TRIM16: variants seen among roughly 807,000 people sequenced by gnomAD.
The protein encoded by TRIM16 is tripartite motif containing 16.
TRIM16 carries 33 observed loss-of-function variants against 50.4 expected under a neutral mutation model. The ratio of observed to expected loss-of-function variants is 0.65; its 90% CI spans 0.50 to 0.88. The LOEUF (loss-of-function observed/expected upper bound fraction) is 0.88, where lower values mean the gene tolerates loss of function less well. Among genes scored for constraint, TRIM16 ranks in the 40% least tolerant of loss-of-function variants. The probability of loss-of-function intolerance (pLI) is 0.00; values close to 1 mark genes in which losing one functional copy is unlikely to be tolerated. For missense variants in TRIM16, 581 were observed against 686.8 expected, an observed-to-expected ratio of 0.85 and a Z score of 1.72; for synonymous variants, 229 against 270.7, an observed-to-expected ratio of 0.85 and a Z score of 1.51.
intron 7 of TRIM16, among the ~76,000 whole-genome samples, chr17:15,643,632 A>G (rs1474881267): frequency 1.3e-5 from 2 of 150,366 alleles, no homozygotes; most frequent in African/African-American, 5.0e-5. Context: ...TGTGTCACAG[A>G]CCATTGGTCA....
chr17:15,631,829 G>A, intron 10 of TRIM16, 115 bp from the exon 11 acceptor site: 2 of 890,220 alleles, frequency 2.2e-6, no homozygotes, highest in East Asian at 2.5e-5. Context: ...AGGGGCTGAA[G>A]CCTGGTAATG....
At chr17:15,654,095 G>C (rs1373785165) in intron 6 of TRIM16, among the ~76,000 whole-genome samples, 1 of 152,188 alleles carries the variant, frequency 6.6e-6, no homozygotes, top group Non-Finnish European at 1.5e-5. Context: ...CTGCATCCCT[G>C]CGGTGAGTTC....
intron 1 of TRIM16, chr17:15,683,981 G>A (rs1003192185): frequency 5.3e-5 from 8 of 152,242 alleles, no homozygotes; most frequent in African/African-American, 1.9e-4. Flanking sequence ...CCAAGCAAAC[G>A]ACCCAGAGGT....
At position 15,641,550 on chromosome 17, in the gene TRIM16, C is replaced by G. The variant is rs539538390; in HGVS notation, c.615+1171G>C. ...ATTAAAGAGCTGGGAAACACAAGACCCTCCATGTGGTTCTACAGGTTATCT... is the reference window on the plus strand; with the variant it reads ...ATTAAAGAGCTGGGAAACACAAGACGCTCCATGTGGTTCTACAGGTTATCT... On this transcript the variant is annotated intron_variant, in intron 8 of 11. Coordinates refer to ENST00000649191, the MANE Select transcript of TRIM16 (RefSeq NM_001348119.1). 5.4e-4 allele frequency among the ~76,000 whole-genome samples: 81 copies of G among 148,930 alleles called. 3 individuals are homozygous for G. Among genetic ancestry groups the G allele is most frequent in the Admixed American group, 5.4e-3 (81 of 15,064 alleles).
At position 15,680,919 on chromosome 17, in the gene TRIM16, C is replaced by T. The variant is rs1397610317; in HGVS notation, c.-644G>A. The T allele has an allele frequency of 1.9e-6, 3 of 1,546,176 alleles. No individual in the cohort carries two copies. The highest frequency in any genetic ancestry group is 1.7e-6 in the Non-Finnish European group (2 of 1,145,862). Reference sequence around the variant, plus strand: ...CCATATTTTCCTTCTTAAGATACCCCTTTTGGGAAAGGGCAGGGTCCTCAG... The same window carrying T: ...CCATATTTTCCTTCTTAAGATACCCTTTTTGGGAAAGGGCAGGGTCCTCAG... On this transcript the variant is annotated 5_prime_UTR_variant, in exon 4 of 12. Transcript: ENST00000649191.
At chr17:15,659,513 A>G (rs1288314956) in intron 6 of TRIM16, among the ~76,000 whole-genome samples, 2 of 152,224 alleles carry the variant, frequency 1.3e-5, no homozygotes, top group Admixed American at 6.5e-5. Flanking sequence ...TGCGGCACAT[A>G]GCACATTTGA....
intron 8 of TRIM16, 34 bp from the exon 9 acceptor site, chr17:15,636,303 A>G (rs1346236652): frequency 6.2e-7 from 1 of 1,602,588 alleles, no homozygotes; most frequent in Non-Finnish European, 8.5e-7. Context: ...GCAGCCAAAC[A>G]TTTCTTAGTG....
intron 6 of TRIM16, among the ~76,000 whole-genome samples, chr17:15,657,965 T>C (rs1988052535): frequency 6.6e-6 from 1 of 152,226 alleles, no homozygotes; most frequent in Non-Finnish European, 1.5e-5. Context: ...TAACTTCACC[T>C]AGATATTCTT....
chr17:15,680,851 A>G lies in TRIM16; in HGVS notation c.-590+14T>C. 6.5e-7 allele frequency: 1 copy of G among 1,533,050 alleles called. No individual in the cohort carries two copies. The highest frequency in any genetic ancestry group is 8.8e-7 in the Non-Finnish European group (1 of 1,142,490). The allele number at this position is 1,533,050 out of a possible 1,614,324, so 95.0% of individuals were successfully genotyped here. A position where few individuals can be genotyped will look rare whatever the true frequency, so the allele number is the denominator to read the frequency against. ...AATAAAATTTCCAAGAAGAGAGGAA[A>G]ATCCCCAACTCACCTGGGACTCTGC... On this transcript the variant is annotated intron_variant, in intron 4 of 11. Coordinates refer to ENST00000649191, the MANE Select transcript of TRIM16 (RefSeq NM_001348119.1).
chr17:15,660,125 C>CA (rs1385608838), intron 6 of TRIM16, among the ~76,000 whole-genome samples: 1 of 152,212 alleles, frequency 6.6e-6, no homozygotes, highest in Non-Finnish European at 1.5e-5. Context: ...CCATCCCCTC[C>CA]ACCCTTCACC....
intron 7 of TRIM16, among the ~76,000 whole-genome samples, chr17:15,649,247 G>A (rs1987563914): frequency 6.6e-6 from 1 of 152,122 alleles, no homozygotes; most frequent in Non-Finnish European, 1.5e-5. Context: ...ATGGACTGGA[G>A]ACCCTCCTTT....
Position 15,679,885 on chromosome 17 carries a change from T to C in TRIM16, c.-590+980A>G, listed in dbSNP as rs9913900. ...CTGGGAGGCGGAGCTTGCAGTGAGCTGAGATCGCGCCACTGCACTCCAGCC... is the reference window on the plus strand; with the variant it reads ...CTGGGAGGCGGAGCTTGCAGTGAGCCGAGATCGCGCCACTGCACTCCAGCC... On this transcript the variant is annotated intron_variant, in intron 4 of 11. Transcript: ENST00000649191. 2.7e-5 allele frequency among the ~76,000 whole-genome samples: 4 copies of C among 147,122 alleles called. No homozygotes were observed. In the South Asian group the frequency reaches 6.3e-4, roughly 23 times the overall value.
intron 6 of TRIM16, among the ~76,000 whole-genome samples, chr17:15,666,477 A>G (rs1337236412): frequency 6.6e-6 from 1 of 152,190 alleles, no homozygotes; most frequent in Non-Finnish European, 1.5e-5. Flanking sequence ...ATGAGTTTTG[A>G]CAAATAACTC....
chr17:15,666,195 T>G (rs1437540207), intron 6 of TRIM16, among the ~76,000 whole-genome samples: 1 of 152,248 alleles, frequency 6.6e-6, no homozygotes, highest in East Asian at 1.9e-4. Flanking sequence ...TCATTGCTTT[T>G]GCCAATCCAT....
intron 3 of TRIM16, chr17:15,681,192 T>C (rs1007598819): frequency 2.9e-6 from 1 of 344,642 alleles, no homozygotes; most frequent in Non-Finnish European, 5.4e-6. Context: ...GCCACTGCTC[T>C]GAAAACGAGG....
At chr17:15,665,783 T>C (rs2151412613) in intron 6 of TRIM16, among the ~76,000 whole-genome samples, 1 of 152,036 alleles carries the variant, frequency 6.6e-6, no homozygotes, top group East Asian at 1.9e-4. Flanking sequence ...CACCTGTTTA[T>C]GGCTCACAAA....
At chr17:15,639,151 A>C (rs1471192845) in intron 8 of TRIM16, among the ~76,000 whole-genome samples, 1 of 134,196 alleles carries the variant, frequency 7.5e-6, no homozygotes, top group Non-Finnish European at 1.5e-5. Context: ...GGCTCAAACG[A>C]TCTTCCACCT....
intron 11 of TRIM16, 114 bp from the exon 12 acceptor site, chr17:15,629,312 G>C (rs1317622620): frequency 1.2e-5 from 8 of 649,914 alleles, no homozygotes; most frequent in Non-Finnish European, 1.9e-5. Flanking sequence ...CCATTTCTCT[G>C]TTCTCTATTT....
chr17:15,680,548 A>ATT (rs1248148790), intron 4 of TRIM16, among the ~76,000 whole-genome samples: 1 of 152,038 alleles, frequency 6.6e-6, no homozygotes, highest in Non-Finnish European at 1.5e-5. Flanking sequence ...ATTATCTGCT[A>ATT]AAGAGGCCTC....
Sources: gnomAD v4.1 joint callset for allele counts (sites outside exome capture counted in the v4.1 genomes callset) on GRCh38, gnomAD v4.1.1 for gene constraint, MANE v1.5 for transcripts, NCBI Gene and HGNC (gene_info 2026-07-23, HGNC 2026-07-21) for gene names.